The following CPQ variants were observed in gnomAD, a reference collection of about 807,000 sequenced individuals.
The protein encoded by CPQ is Ser-Met dipeptidase.
In CPQ, 37 loss-of-function variants were observed where a neutral mutation model predicts 45.7. The ratio of observed to expected loss-of-function variants is 0.81; its 90% CI spans 0.62 to 1.07. The LOEUF (loss-of-function observed/expected upper bound fraction) is 1.07, where lower values mean the gene tolerates loss of function less well. Among genes scored for constraint, CPQ ranks in the 50% least tolerant of loss-of-function variants. CPQ has a pLI of 0.00. For synonymous variants in CPQ, 186 were observed against 205.8 expected, an observed-to-expected ratio of 0.90 and a Z score of 0.82; for missense variants, 537 against 572.9, an observed-to-expected ratio of 0.94 and a Z score of 0.64.
intron 5 of CPQ, among the ~76,000 whole-genome samples, chr8:97,026,672 A>C (rs1336613572): frequency 6.6e-6 from 1 of 152,216 alleles, no homozygotes; most frequent in African/African-American, 2.4e-5. Flanking sequence ...ATGAGTACTA[A>C]GCTTCTCAAG....
At chr8:96,973,741 T>G (rs1813722105) in intron 5 of CPQ, among the ~76,000 whole-genome samples, 1 of 152,120 alleles carries the variant, frequency 6.6e-6, no homozygotes, top group Non-Finnish European at 1.5e-5. Flanking sequence ...AAAACAATTA[T>G]CAGCCAAGAA....
intron 3 of CPQ, among the ~76,000 whole-genome samples, chr8:96,868,473 C>T (rs550584010): frequency 1.8e-4 from 28 of 152,038 alleles, no homozygotes; most frequent in Admixed American, 7.9e-4. Context: ...TGACTTCAGG[C>T]GTATTCAATA....
At chr8:96,840,440 T>C (rs1811591012) in intron 3 of CPQ, among the ~76,000 whole-genome samples, 1 of 152,158 alleles carries the variant, frequency 6.6e-6, no homozygotes, top group Non-Finnish European at 1.5e-5. Flanking sequence ...GTCCCTGGAA[T>C]AGCAACATCA....
chr8:96,970,265 A>G (rs1813642599), intron 5 of CPQ, among the ~76,000 whole-genome samples: 1 of 152,198 alleles, frequency 6.6e-6, no homozygotes, highest in Non-Finnish European at 1.5e-5. Context: ...CCAGACCTAC[A>G]AAAGATATCT....
chr8:96,872,744 A>G (rs1450720598), intron 3 of CPQ, among the ~76,000 whole-genome samples: 2 of 151,916 alleles, frequency 1.3e-5, no homozygotes, highest in African/African-American at 2.4e-5. Context: ...TAAATTGGAA[A>G]GGAAACAAGG....
intron 7 of CPQ, among the ~76,000 whole-genome samples, chr8:97,102,057 G>A (rs1411473464): frequency 6.6e-6 from 1 of 151,594 alleles, no homozygotes; most frequent in Non-Finnish European, 1.5e-5. Flanking sequence ...CATGCAATAT[G>A]GTACAGTTAG....
At chr8:96,731,024 C>T (rs1041202427) in intron 1 of CPQ, among the ~76,000 whole-genome samples, 3 of 151,690 alleles carry the variant, frequency 2.0e-5, no homozygotes, top group African/African-American at 7.3e-5. Flanking sequence ...TGAGTAGGCA[C>T]CATTTGCTAC....
At chr8:97,090,248 G>A (rs1207669245) in intron 7 of CPQ, among the ~76,000 whole-genome samples, 2 of 152,164 alleles carry the variant, frequency 1.3e-5, no homozygotes, top group African/African-American at 2.4e-5. Flanking sequence ...TTTCTAGTGT[G>A]TGAGTGGAGA....
At chr8:97,034,705 C>T (rs1486121257) in intron 6 of CPQ, among the ~76,000 whole-genome samples, 1 of 152,100 alleles carries the variant, frequency 6.6e-6, no homozygotes, top group Non-Finnish European at 1.5e-5. Flanking sequence ...CCCTTCAAAT[C>T]AACTTCTGAC....
chr8:96,927,399 G>T, intron 4 of CPQ, among the ~76,000 whole-genome samples: 1 of 152,168 alleles, frequency 6.6e-6, no homozygotes, highest in African/African-American at 2.4e-5. Context: ...GTTCCCTGAT[G>T]CTGATGGCTT....
chr8:96,879,921 G>C lies in CPQ; in HGVS notation c.765G>C (p.Gln255His). ...MASHGIKIVIQLKMGAKTYPD... is the reference protein window; with the variant it reads ...MASHGIKIVIHLKMGAKTYPD... The stretch of plus-strand genomic sequence containing the variant: ...CTCATGGGATCAAAATTGTCATTCA[G>C]CTAAAGATGGGGGCAAAGACCTACC... Residue 255 changes from glutamine (Q) to histidine (H), a missense_variant, in exon 4 of 8, where the codon CAG becomes CAC. Gln to His is a conservative substitution (Grantham distance 24). Transcript: ENST00000220763. 1 of 1,614,070 alleles carries C rather than the reference G, an allele frequency of 6.2e-7. No individual in the cohort carries two copies. Among genetic ancestry groups the C allele is most frequent in the Non-Finnish European group, 8.5e-7 (1 of 1,179,982 alleles).
chr8:96,784,837 A>G (rs1351611807), intron 1 of CPQ, 27 bp from the exon 2 acceptor site: 1 of 1,489,784 alleles, frequency 6.7e-7, no homozygotes, highest in African/African-American at 1.4e-5. Flanking sequence ...CTTTTCCCCT[A>G]AAACATAATG....
At chr8:96,940,194 TA>T (rs1813106355) in intron 4 of CPQ, among the ~76,000 whole-genome samples, 1 of 152,142 alleles carries the variant, frequency 6.6e-6, no homozygotes, top group African/African-American at 2.4e-5. Context: ...ATTAATACAT[TA>T]AAACAAATCT....
chr8:96,744,064 C>A (rs1270920789), intron 1 of CPQ, among the ~76,000 whole-genome samples: 1 of 143,144 alleles, frequency 7.0e-6, no homozygotes, highest in South Asian at 2.2e-4. Flanking sequence ...GGCGGGCGCC[C>A]CTCCCCCAGC....
intron 2 of CPQ, among the ~76,000 whole-genome samples, chr8:96,815,614 C>T (rs1253253476): frequency 6.6e-6 from 1 of 152,118 alleles, no homozygotes; most frequent in Non-Finnish European, 1.5e-5. Context: ...AGTTTTAGCA[C>T]TGTTCACTTT....
chr8:97,061,041 T>C (rs968582966), intron 6 of CPQ, among the ~76,000 whole-genome samples: 24 of 152,116 alleles, frequency 1.6e-4, no homozygotes, highest in African/African-American at 5.6e-4. Flanking sequence ...TGAAAACATA[T>C]GGAGATGTTT....
chr8:96,965,342 A>T (rs1261497187), intron 4 of CPQ, among the ~76,000 whole-genome samples: 1 of 149,900 alleles, frequency 6.7e-6, no homozygotes, highest in Non-Finnish European at 1.5e-5. Flanking sequence ...AATTTATCAA[A>T]TATCTGTCAG....
At chr8:97,014,686 T>C (rs1809550275) in intron 5 of CPQ, among the ~76,000 whole-genome samples, 1 of 151,356 alleles carries the variant, frequency 6.6e-6, no homozygotes, top group African/African-American at 2.4e-5. Flanking sequence ...AAATGTACTA[T>C]GGTCTGAAAA....
At chr8:96,818,179 C>T (rs1012339745) in intron 2 of CPQ, among the ~76,000 whole-genome samples, 4 of 151,850 alleles carry the variant, frequency 2.6e-5, no homozygotes, top group African/African-American at 9.7e-5. Flanking sequence ...AGGGAGAGAG[C>T]ACCATGTACT....
Sources: allele counts gnomAD v4.1 joint callset (sites outside exome capture counted in the v4.1 genomes callset), GRCh38; gene constraint gnomAD v4.1.1; transcripts MANE v1.5; gene names NCBI Gene and HGNC (gene_info 2026-07-23, HGNC 2026-07-21).